The following SAMD4A variants were observed in gnomAD, a reference collection of about 807,000 sequenced individuals.
The protein encoded by SAMD4A is sterile alpha motif domain containing 4A, also known as protein Smaug homolog 1.
A neutral mutation model predicts 81.3 loss-of-function variants in SAMD4A; 33 were observed. The ratio of observed to expected loss-of-function variants is 0.41; its 90% CI spans 0.31 to 0.54. The LOEUF is 0.54. Among genes scored for constraint, SAMD4A ranks in the 20% least tolerant of loss-of-function variants. The pLI is 0.37. For synonymous variants in SAMD4A, 389 were observed against 382.1 expected (o/e 1.02, Z -0.21); for missense variants, 854 against 951.1 (o/e 0.90, Z 1.34).
At chr14:54,644,446 A>G (rs1371150066) in intron 2 of SAMD4A, among the ~76,000 whole-genome samples, 2 of 152,220 alleles carry the variant, frequency 1.3e-5, no homozygotes, top group African/African-American at 2.4e-5. Context: ...CTTGACAGAA[A>G]TTCGTTCATT....
chr14:54,686,980 G>A (rs534794992), intron 2 of SAMD4A, among the ~76,000 whole-genome samples: 5 of 152,200 alleles, frequency 3.3e-5, no homozygotes, highest in East Asian at 1.9e-4. Context: ...TGTGCTTTCC[G>A]GGGCTTGATT....
chr14:54,787,179 G>C (rs2039162590), intron 12 of SAMD4A, among the ~76,000 whole-genome samples: 1 of 152,214 alleles, frequency 6.6e-6, no homozygotes, highest in Non-Finnish European at 1.5e-5. Context: ...CTCAGGAATG[G>C]AGAAAGAGAG....
intron 2 of SAMD4A, among the ~76,000 whole-genome samples, chr14:54,610,148 A>G (rs1387836309): frequency 1.3e-5 from 2 of 152,164 alleles, no homozygotes; most frequent in Admixed American, 6.5e-5. Context: ...TTCTGTTTTG[A>G]ATACTTAATA....
intron 2 of SAMD4A, among the ~76,000 whole-genome samples, chr14:54,679,366 T>C (rs2036075818): frequency 6.6e-6 from 1 of 152,230 alleles, no homozygotes. Context: ...ACACAAGTGC[T>C]AATATTATGA....
chr14:54,760,947 G>A (rs2038381467), intron 7 of SAMD4A, among the ~76,000 whole-genome samples: 1 of 152,030 alleles, frequency 6.6e-6, no homozygotes. Flanking sequence ...ATCTCCCTGT[G>A]CAGAAAAATG....
chr14:54,771,364 A>G (rs2038700980), intron 9 of SAMD4A, among the ~76,000 whole-genome samples: 1 of 152,246 alleles, frequency 6.6e-6, no homozygotes, highest in African/African-American at 2.4e-5. Context: ...AGACAAGTTC[A>G]TAGGCAGCAG....
intron 2 of SAMD4A, among the ~76,000 whole-genome samples, chr14:54,679,677 C>T (rs1031274095): frequency 1.3e-4 from 20 of 151,940 alleles, no homozygotes; most frequent in Admixed American, 2.6e-4. Flanking sequence ...TGATGGAAGA[C>T]CATTTTGTGT....
At chr14:54,699,465 A>G (rs1594828941) in intron 2 of SAMD4A, among the ~76,000 whole-genome samples, 2 of 152,138 alleles carry the variant, frequency 1.3e-5, no homozygotes, top group Admixed American at 6.5e-5. Flanking sequence ...CTCAGTAGTC[A>G]CCAGCCACAT....
intron 2 of SAMD4A, among the ~76,000 whole-genome samples, chr14:54,656,170 C>G (rs2035516604): frequency 6.6e-6 from 1 of 152,146 alleles, no homozygotes; most frequent in Non-Finnish European, 1.5e-5. Flanking sequence ...TTTAACTTTC[C>G]TTACTGTAGA....
At chr14:54,727,206 T>TA in intron 3 of SAMD4A, among the ~76,000 whole-genome samples, 1 of 111,270 alleles carries the variant, frequency 9.0e-6, no homozygotes, top group Admixed American at 1.0e-4. Flanking sequence ...TTTTTTTTTT[T>TA]TGAGGTGGAG....
chr14:54,693,414 T>G (rs1375376772), intron 2 of SAMD4A: 1 of 152,144 alleles, frequency 6.6e-6, no homozygotes, highest in Non-Finnish European at 1.5e-5. Flanking sequence ...AGGCCATAAT[T>G]AGCTGGGCGC....
intron 2 of SAMD4A, among the ~76,000 whole-genome samples, chr14:54,613,837 A>C (rs1244380150): frequency 1.3e-5 from 2 of 152,224 alleles, no homozygotes; most frequent in Non-Finnish European, 2.9e-5. Flanking sequence ...TGCAAGGTCA[A>C]ACCCGTTTTC....
Position 54,739,055 on chromosome 14 carries a change from C to CTTTTTTTTTTTTTTTTTTTT in SAMD4A, c.979+1787_979+1788insTTTTTTTTTTTTTTTTTTTT, listed in dbSNP as rs3051648. ...TACTTTGTTTTCTTTCTTTCCTTTTCTTTTTTTTTTTTTTTTTTTGAGGCC... is the reference window on the plus strand; with the variant it reads ...TACTTTGTTTTCTTTCTTTCCTTTTCTTTTTTTTTTTTTTTTTTTTTTTTTTTTTTTTTTTTTTTGAGGCC... On this transcript the variant is annotated intron_variant, in intron 4 of 12. Transcript: ENST00000554335. Among the ~76,000 whole-genome samples the CTTTTTTTTTTTTTTTTTTTT allele has an allele frequency of 2.2e-4, 21 of 97,356 alleles. 2 individuals carry two copies. Among genetic ancestry groups the CTTTTTTTTTTTTTTTTTTTT allele is most frequent in the African/African-American group, 9.7e-4 (20 of 20,664 alleles). 63.9% of individuals were successfully genotyped at this position (97,356 alleles called of 152,430 possible).
intron 11 of SAMD4A, among the ~76,000 whole-genome samples, chr14:54,782,621 A>G (rs1335158757): frequency 6.6e-6 from 1 of 152,120 alleles, no homozygotes; most frequent in Non-Finnish European, 1.5e-5. Flanking sequence ...TGTCTTCCAA[A>G]CCCATCGATG....
At chr14:54,679,945 A>T (rs995076675) in intron 2 of SAMD4A, among the ~76,000 whole-genome samples, 2 of 152,236 alleles carry the variant, frequency 1.3e-5, no homozygotes, top group Non-Finnish European at 2.9e-5. Flanking sequence ...ACATGATGGG[A>T]TAGTGACCTC....
intron 2 of SAMD4A, among the ~76,000 whole-genome samples, chr14:54,678,531 G>T: frequency 7.6e-6 from 1 of 132,398 alleles, no homozygotes; most frequent in African/African-American, 2.9e-5. Flanking sequence ...CAGGTGGGGA[G>T]GGGTATGGAA....
chr14:54,658,097 G>A (rs942636536), intron 2 of SAMD4A, among the ~76,000 whole-genome samples: 10 of 152,296 alleles, frequency 6.6e-5, no homozygotes, highest in African/African-American at 2.4e-4. Flanking sequence ...ATCACTTGAG[G>A]TCAGGACTTT....
At chr14:54,699,157 A>C (rs1407679331) in intron 2 of SAMD4A, among the ~76,000 whole-genome samples, 1 of 152,128 alleles carries the variant, frequency 6.6e-6, no homozygotes, top group Non-Finnish European at 1.5e-5. Flanking sequence ...GCTTCTTTTC[A>C]GTGCCTCTTG....
chr14:54,622,099 G>A (rs1033643521), intron 2 of SAMD4A, among the ~76,000 whole-genome samples: 2 of 152,148 alleles, frequency 1.3e-5, no homozygotes, highest in African/African-American at 2.4e-5. Flanking sequence ...GAATTTTCTT[G>A]AATGGGAATA....
Sources: allele counts gnomAD v4.1 joint callset (sites outside exome capture counted in the v4.1 genomes callset), GRCh38; gene constraint gnomAD v4.1.1; transcripts MANE v1.5; gene names NCBI Gene and HGNC (gene_info 2026-07-23, HGNC 2026-07-21).